SPHKAP: variants seen among roughly 807,000 people sequenced by gnomAD.
The protein encoded by SPHKAP is A-kinase anchor protein SPHKAP.
In SPHKAP, 67 loss-of-function variants were observed where a neutral mutation model predicts 137.5. That is an observed-to-expected ratio of 0.49 (90% CI 0.40 to 0.60). The LOEUF (loss-of-function observed/expected upper bound fraction) is 0.60, where lower values mean the gene tolerates loss of function less well. Ranked by LOEUF, SPHKAP falls within the 20% of genes least tolerant of loss-of-function variation. The pLI, the probability that SPHKAP is intolerant of heterozygous loss-of-function variation, is 0.00. For synonymous variants in SPHKAP, 813 were observed against 785.3 expected (o/e 1.04, Z -0.59); for missense variants, 2,097 against 2,069.3 (o/e 1.01, Z -0.26).
At chr2:227,991,664 G>C (rs1335672396) in intron 9 of SPHKAP, 1 of 985,280 alleles carries the variant, frequency 1.0e-6, no homozygotes, top group African/African-American at 1.7e-5. Flanking sequence ...GAGAGATTTT[G>C]TGGGTAACTA....
intron 3 of SPHKAP, among the ~76,000 whole-genome samples, chr2:228,030,513 C>CAAAAAAAAAAAAAAAAAAAAAAA (rs11287311): frequency 2.1e-5 from 1 of 48,772 alleles, no homozygotes; most frequent in African/African-American, 7.4e-5. Flanking sequence ...GATACCATCT[C>CAAAAAAAAAAAAAAAAAAAAAAA]AAAAAAAAAA....
intron 5 of SPHKAP, among the ~76,000 whole-genome samples, chr2:228,022,573 G>A (rs547870210): frequency 6.6e-6 from 1 of 152,276 alleles, no homozygotes; most frequent in African/African-American, 2.4e-5. Flanking sequence ...ACAGCTCCCA[G>A]GTCCTTGAGA....
Position 228,017,883 on chromosome 2 carries a change from C to T in SPHKAP, c.2971G>A (p.Ala991Thr), listed in dbSNP as rs551071808. 1.4e-5 allele frequency: 22 copies of T among 1,613,976 alleles called. No homozygotes were observed. The highest frequency in any genetic ancestry group is 2.2e-5 in the South Asian group (2 of 91,052). ...CGGGGAGGCTTGTGTTTCCTCACAG[C>T]GGTCCCGCTCCCCTGGCTCTCTTTC... Reference protein sequence around the residue: ...RKKESQGSGTAVRKHKPPRLS... With the variant: ...RKKESQGSGTTVRKHKPPRLS... Residue 991 changes from alanine to threonine, a missense_variant, in exon 7 of 12, where the codon GCT becomes ACT. Transcript: ENST00000392056.
intron 1 of SPHKAP, among the ~76,000 whole-genome samples, chr2:228,162,732 C>G (rs946788879): frequency 1.3e-5 from 2 of 151,998 alleles, no homozygotes; most frequent in East Asian, 3.9e-4. Context: ...GAGTTTTACT[C>G]TTGTTGCCCA....
chr2:228,046,385 C>T (rs148027026), intron 3 of SPHKAP, among the ~76,000 whole-genome samples: 1 of 137,924 alleles, frequency 7.3e-6, no homozygotes, highest in African/African-American at 2.7e-5. Flanking sequence ...TTGAACTTCA[C>T]TTGTTTTAGG....
chr2:228,030,253 C>A (rs555914651), intron 3 of SPHKAP, among the ~76,000 whole-genome samples: 7 of 149,796 alleles, frequency 4.7e-5, no homozygotes, highest in Non-Finnish European at 1.0e-4. Context: ...CGGTGGCTCA[C>A]GCCTGTAATC....
intron 3 of SPHKAP, among the ~76,000 whole-genome samples, chr2:228,101,465 A>G (rs1698179920): frequency 6.6e-6 from 1 of 152,152 alleles, no homozygotes; most frequent in Non-Finnish European, 1.5e-5. Context: ...TCCAAAGTTT[A>G]TTTCACTATT....
At chr2:228,091,890 C>T (rs1697747835) in intron 3 of SPHKAP, among the ~76,000 whole-genome samples, 1 of 151,952 alleles carries the variant, frequency 6.6e-6, no homozygotes, top group African/African-American at 2.4e-5. Flanking sequence ...AGTAGAACTA[C>T]CATTTGATCC....
rs1694659511 is a variant in SPHKAP at position 228,017,630 on chromosome 2, C to T, written c.3224G>A (p.Trp1075Ter). The T allele has an allele frequency of 6.2e-7, 1 of 1,613,976 alleles. No individual in the cohort carries two copies. The highest frequency in any genetic ancestry group is 8.5e-7 in the Non-Finnish European group (1 of 1,180,032). ...GCAGCTGGAGGCCTTCAGCCGGCTCCACCTGTCGCCACTCAGTAACCGATT... is the reference window on the plus strand; with the variant it reads ...GCAGCTGGAGGCCTTCAGCCGGCTCTACCTGTCGCCACTCAGTAACCGATT... The part of the protein sequence containing the change: ...PRNRLLSGDR[W>*]SRLKASSCES... The change falls in exon 7 of 12, where the codon TGG (tryptophan) becomes TAG (stop). Residue 1075 changes from tryptophan (W) to a stop codon, truncating the protein, a stop_gained. Coordinates refer to ENST00000392056, the MANE Select transcript of SPHKAP (RefSeq NM_001142644.2). LOFTEE classifies it high-confidence loss of function.
At chr2:228,008,521 C>T (rs1694229826) in intron 7 of SPHKAP, among the ~76,000 whole-genome samples, 1 of 152,114 alleles carries the variant, frequency 6.6e-6, no homozygotes. Flanking sequence ...TCTCAAACTC[C>T]TGACCTCAGG....
chr2:228,032,488 C>T (rs1017235397), intron 3 of SPHKAP, among the ~76,000 whole-genome samples: 1 of 152,196 alleles, frequency 6.6e-6, no homozygotes, highest in Non-Finnish European at 1.5e-5. Context: ...CTTCCCCAAT[C>T]TAGCAAGGCA....
intron 3 of SPHKAP, among the ~76,000 whole-genome samples, chr2:228,030,854 G>T (rs1027780141): frequency 6.6e-6 from 1 of 152,124 alleles, no homozygotes; most frequent in African/African-American, 2.4e-5. Context: ...ATGGTTGACT[G>T]ATTTTTTAAC....
intron 3 of SPHKAP, among the ~76,000 whole-genome samples, chr2:228,058,274 T>TTA (rs1181785500): frequency 6.6e-6 from 1 of 152,194 alleles, no homozygotes; most frequent in Non-Finnish European, 1.5e-5. Flanking sequence ...AAAGTCACTC[T>TTA]GCATGCTAAA....
At position 228,030,330 on chromosome 2, in the gene SPHKAP, G is replaced by A. The variant is rs547837448; in HGVS notation, c.247-2787C>T. 1.4e-4 allele frequency among the ~76,000 whole-genome samples: 22 copies of A among 151,870 alleles called. No individual in the cohort carries two copies. In the South Asian group the frequency reaches 3.5e-3, roughly 24 times the overall value. ...AGAGATTGAGACTCTCCTGGCCAAC[G>A]TGGTGAAACCCCGTCTCTACTAAAA... is the stretch of plus-strand genomic sequence containing the variant. On this transcript the variant is annotated intron_variant, in intron 3 of 11. Transcript: ENST00000392056.
At chr2:228,079,548 C>T (rs1182118260) in intron 3 of SPHKAP, among the ~76,000 whole-genome samples, 1 of 152,218 alleles carries the variant, frequency 6.6e-6, no homozygotes. Context: ...AAGCTCCAGG[C>T]CTTTCCCATC....
chr2:228,144,356 T>C (rs772572639), intron 1 of SPHKAP, among the ~76,000 whole-genome samples: 1 of 152,222 alleles, frequency 6.6e-6, no homozygotes, highest in South Asian at 2.1e-4. Flanking sequence ...CTTATCTTTT[T>C]TGGTTTTCCA....
chr2:228,096,796 T>G (rs959766936), intron 3 of SPHKAP, among the ~76,000 whole-genome samples: 1 of 152,140 alleles, frequency 6.6e-6, no homozygotes, highest in Non-Finnish European at 1.5e-5. Context: ...GAAATTTCCC[T>G]TCTGCTTTTA....
chr2:228,167,332 T>A (rs12615268), intron 1 of SPHKAP, among the ~76,000 whole-genome samples: 1 of 152,080 alleles, frequency 6.6e-6, no homozygotes, highest in East Asian at 1.9e-4. Flanking sequence ...GAAATACTAA[T>A]AGTGTAACAG....
chr2:228,089,988 T>A (rs1697668901), intron 3 of SPHKAP, among the ~76,000 whole-genome samples: 1 of 152,130 alleles, frequency 6.6e-6, no homozygotes, highest in African/African-American at 2.4e-5. Flanking sequence ...GGGATTGAAG[T>A]CACCATACAG....
Sources: gnomAD v4.1 joint callset for allele counts (sites outside exome capture counted in the v4.1 genomes callset) on GRCh38, gnomAD v4.1.1 for gene constraint, MANE v1.5 for transcripts, NCBI Gene and HGNC (gene_info 2026-07-23, HGNC 2026-07-21) for gene names.